The following A2M variants were observed in gnomAD, a reference collection of about 807,000 sequenced individuals.
A2M encodes the protein C3 and PZP-like alpha-2-macroglobulin domain-containing protein 5.
A2M carries 128 observed loss-of-function variants against 183.9 expected under a neutral mutation model. The ratio of observed to expected loss-of-function variants is 0.70; its 90% CI spans 0.60 to 0.81. The LOEUF is 0.81. Among genes scored for constraint, A2M ranks in the 30% least tolerant of loss-of-function variants. The pLI is 0.00. For missense variants in A2M, 1,495 were observed against 1,787.6 expected (o/e 0.84, Z 2.95); for synonymous variants, 592 against 670.8 (o/e 0.88, Z 1.81).
chr12:9,107,968 A>G (rs73244299), intron 7 of A2M, among the ~76,000 whole-genome samples: 116 of 152,194 alleles, frequency 7.6e-4, no homozygotes, highest in African/African-American at 2.7e-3. Flanking sequence ...CGAAACAAAC[A>G]AAACAAAACA....
chr12:9,113,482 G>C lies in A2M; in HGVS notation c.148C>G (p.Leu50Val). The C allele has an allele frequency of 6.2e-7, 1 of 1,613,954 alleles. No individual in the cohort carries two copies. Among genetic ancestry groups the C allele is most frequent in the Non-Finnish European group, 8.5e-7 (1 of 1,179,938 alleles). Residue 50 changes from leucine to valine, a missense_variant, in exon 2 of 36, where the codon CTT becomes GTT. Transcript: ENST00000318602. ...HTETTEKGCV[L>V]LSYLNETVTV... ...ACTGTCTCATTCAGGTAGCTCAGAA[G>C]GACACAGCCCTTCTCAGTGGTCTCA...
intron 2 of A2M, among the ~76,000 whole-genome samples, chr12:9,113,044 G>A (rs577936486): frequency 5.5e-4 from 84 of 151,774 alleles, no homozygotes; most frequent in Non-Finnish European, 1.0e-3. Flanking sequence ...CTCATGTTGA[G>A]CCTTGGTCTA....
At position 9,079,618 on chromosome 12, in the gene A2M, C is replaced by G. The variant is rs778211700; in HGVS notation, c.3031+21G>C. 12 of 1,603,570 alleles carry G rather than the reference C, an allele frequency of 7.5e-6. No homozygotes were observed. The African/African-American group carries it at 1.5e-4, about 20-fold the overall frequency. ...AGTTGAAATAACATTCAAGTTTTCCCTTACTCAAGTAATCACTCACCAGTG... is the reference window on the plus strand; with the variant it reads ...AGTTGAAATAACATTCAAGTTTTCCGTTACTCAAGTAATCACTCACCAGTG... On this transcript the variant is annotated intron_variant, in intron 24 of 35. Coordinates refer to ENST00000318602, the MANE Select transcript of A2M (RefSeq NM_000014.6).
At chr12:9,107,948 A>G (rs1469954617) in intron 7 of A2M, among the ~76,000 whole-genome samples, 1 of 151,938 alleles carries the variant, frequency 6.6e-6, no homozygotes, top group Admixed American at 6.5e-5. Context: ...GAGAAACAAT[A>G]CCAGCAAGAC....
rs2302666 is a variant in A2M, at chr12:9,113,268, C to G, written c.270+92G>C. The stretch of plus-strand genomic sequence containing the variant: ...TTTGGATTCCTTCCTGCAGTTCTTA[C>G]CAACCTCCCAAAGCCTCATCTGACA... On this transcript the variant is annotated intron_variant, in intron 2 of 35. Transcript: ENST00000318602. 2.3e-4 allele frequency: 317 copies of G among 1,400,732 alleles called. 1 individual carries two copies. In the East Asian group the frequency reaches 6.6e-3, roughly 29 times the overall value. 86.8% of individuals were successfully genotyped at this position (1,400,732 alleles called of 1,614,324 possible).
intron 18 of A2M, among the ~76,000 whole-genome samples, chr12:9,092,145 A>T (rs1334687872): frequency 3.9e-5 from 6 of 152,194 alleles, no homozygotes; most frequent in Admixed American, 6.5e-5. Context: ...ACAGACTTAC[A>T]GGAAGGCTGA....
intron 17 of A2M, among the ~76,000 whole-genome samples, chr12:9,094,678 T>C (rs1434195456): frequency 6.6e-6 from 1 of 152,092 alleles, no homozygotes; most frequent in African/African-American, 2.4e-5. Flanking sequence ...TTTGGGGAAG[T>C]TGAACAGCTT....
chr12:9,074,936 T>C (rs779108462), intron 28 of A2M, among the ~76,000 whole-genome samples, 153 bp from the exon 29 acceptor site: 2 of 152,322 alleles, frequency 1.3e-5, no homozygotes, highest in East Asian at 3.9e-4. Context: ...TAAATCTGAA[T>C]TTGGTGTGTT....
chr12:9,107,802 G>A (rs1938410747), intron 7 of A2M, among the ~76,000 whole-genome samples, 158 bp from the exon 8 acceptor site: 1 of 152,010 alleles, frequency 6.6e-6, no homozygotes, highest in Non-Finnish European at 1.5e-5. Context: ...AGTCACTAAT[G>A]GCTCTTATAG....
intron 20 of A2M, 51 bp from the exon 21 acceptor site, chr12:9,090,074 C>A: frequency 6.4e-7 from 1 of 1,557,150 alleles, no homozygotes; most frequent in Non-Finnish European, 8.7e-7. Context: ...TTCCTCCATG[C>A]CTCCAAACTC....
intron 22 of A2M, chr12:9,080,438 C>T: frequency 3.9e-6 from 1 of 254,536 alleles, no homozygotes; most frequent in East Asian, 7.8e-5. Context: ...ATTGTAAGAG[C>T]CTGGTGATGT....
intron 18 of A2M, among the ~76,000 whole-genome samples, chr12:9,093,253 C>T (rs1949265478): frequency 6.6e-6 from 1 of 152,096 alleles, no homozygotes; most frequent in Non-Finnish European, 1.5e-5. Flanking sequence ...TTGCTATGCA[C>T]ACAAAAATAG....
chr12:9,075,703 G>A (rs1308885533), intron 28 of A2M, among the ~76,000 whole-genome samples: 1 of 151,350 alleles, frequency 6.6e-6, no homozygotes, highest in African/African-American at 2.5e-5. Context: ...TGAAACACAT[G>A]TGAAGATTCT....
chr12:9,104,768 C>A (rs1938155088), intron 10 of A2M, among the ~76,000 whole-genome samples: 2 of 152,116 alleles, frequency 1.3e-5, no homozygotes, highest in African/African-American at 4.8e-5. Flanking sequence ...AGTCACAGAG[C>A]ACTAGAGTAA....
chr12:9,115,663 A>G, intron 1 of A2M, 101 bp downstream of exon 1: 1 of 845,760 alleles, frequency 1.2e-6, no homozygotes, highest in South Asian at 1.6e-5. Flanking sequence ...AGATAAGAAG[A>G]TGACAGTATC....
intron 11 of A2M, 129 bp downstream of exon 11, chr12:9,104,110 A>G (rs1040206097): frequency 2.2e-6 from 2 of 916,368 alleles, no homozygotes; most frequent in East Asian, 5.6e-5. Context: ...TTAACCTTCA[A>G]TCGGTTTCTA....
In A2M at chr12:9,077,795, G is replaced by T; in HGVS notation, c.3182C>A (p.Ala1061Glu). 6.2e-7 allele frequency: 1 copy of T among 1,614,174 alleles called. No homozygotes were observed. Among genetic ancestry groups the T allele is most frequent in the Non-Finnish European group, 8.5e-7 (1 of 1,180,026 alleles). The part of the protein sequence containing the change: ...QARAYIFIDE[A>E]HITQALIWLS... ...CCATATGAGGGCTTGGGTAATGTGT[G>T]CTTCATCGATGAAGATGTAGGCTCG... The change falls in exon 26 of 36, where the codon GCA becomes GAA. Residue 1061 changes from alanine (A) to glutamate (E), a missense_variant. By Grantham distance (107) the Ala-to-Glu change is moderately radical (BLOSUM62 -1). Coordinates refer to ENST00000318602, the MANE Select transcript of A2M (RefSeq NM_000014.6).
rs772780555 is a variant in A2M, at chr12:9,107,584, A to G, written c.819T>C (p.Ser273=). 1.9e-6 allele frequency: 3 copies of G among 1,613,912 alleles called. No homozygotes were observed. Among genetic ancestry groups the G allele is most frequent in the Non-Finnish European group, 2.5e-6 (3 of 1,179,900 alleles). The change falls in exon 8 of 36, where the codon AGT becomes AGC. Residue 273 remains serine (S), a synonymous_variant. Transcript: ENST00000318602. ...HVTVSICRKY[S]DASDCHGEDS... is the part of the protein sequence containing the mutation. ...CTTCACCGTGGCAGTCGGAAGCGTC[A>G]CTATACTTTCTGCAAATGCTCACAG...
At chr12:9,079,542 A>G in intron 24 of A2M, 97 bp downstream of exon 24, 3 of 1,212,248 alleles carry the variant, frequency 2.5e-6, no homozygotes, top group Non-Finnish European at 3.5e-6. Context: ...ATAGTGAGCT[A>G]AGCTAATGTA....
Sources: allele counts gnomAD v4.1 joint callset (sites outside exome capture counted in the v4.1 genomes callset), GRCh38; gene constraint gnomAD v4.1.1; transcripts MANE v1.5; gene names NCBI Gene and HGNC (gene_info 2026-07-23, HGNC 2026-07-21).